LDHC: variants seen among roughly 807,000 people sequenced by gnomAD.
The protein encoded by LDHC is L-lactate dehydrogenase C chain.
Under a neutral mutation model 30.2 loss-of-function variants are expected in LDHC, and 20 were observed. The ratio of observed to expected loss-of-function variants is 0.66; its 90% confidence interval spans 0.47 to 0.96. The LOEUF is 0.96. Among genes scored for constraint, LDHC ranks in the 40% least tolerant of loss-of-function variants. LDHC has a pLI of 0.00. For missense variants in LDHC, 362 were observed against 394.9 expected, an observed-to-expected ratio of 0.92 and a Z score of 0.71; for synonymous variants, 139 against 132.7, an observed-to-expected ratio of 1.05 and a Z score of -0.32.
At chr11:18,421,464 G>C (rs1224513934) in intron 3 of LDHC, among the ~76,000 whole-genome samples, 2 of 152,038 alleles carry the variant, frequency 1.3e-5, no homozygotes, top group African/African-American at 4.8e-5. Context: ...CTTGAGGTCA[G>C]GAGTTTGAGA....
At chr11:18,439,811 T>TAAAAAAAAAAAAA (rs71047596) in intron 6 of LDHC, among the ~76,000 whole-genome samples, 8 of 64,204 alleles carry the variant, frequency 1.2e-4, no homozygotes, top group Non-Finnish European at 1.6e-4. Context: ...CCGTCTCTAC[T>TAAAAAAAAAAAAA]AAAAAAAAAA....
At chr11:18,443,095 C>G (rs1322023874) in intron 6 of LDHC, among the ~76,000 whole-genome samples, 3 of 151,998 alleles carry the variant, frequency 2.0e-5, no homozygotes, top group Non-Finnish European at 4.4e-5. Context: ...TTAAGGGAAC[C>G]TACAAATGCT....
At chr11:18,415,957 A>C (rs1252230942) in intron 3 of LDHC, among the ~76,000 whole-genome samples, 1 of 152,198 alleles carries the variant, frequency 6.6e-6, no homozygotes, top group African/African-American at 2.4e-5. Flanking sequence ...GGCCTTCCAA[A>C]GTGCTGGAAT....
chr11:18,421,202 C>T (rs550154995), intron 3 of LDHC, among the ~76,000 whole-genome samples: 43 of 152,108 alleles, frequency 2.8e-4, no homozygotes, highest in African/African-American at 9.4e-4. Context: ...TACAGGCACA[C>T]ACCACTGAGC....
In LDHC at chr11:18,419,445, A is replaced by G. The variant is rs1184869054; in HGVS notation, c.244+4144A>G. Among the ~76,000 whole-genome samples the G allele has an allele frequency of 2.6e-5, 4 of 152,226 alleles. No individual in the cohort carries two copies. In the East Asian group the frequency reaches 5.8e-4, roughly 22 times the overall value. ...ACTTTAGTGGGGGAATATACCTGCT[A>G]AGGATTTGGAACCACAAGCTGGCTC... On this transcript the variant is annotated intron_variant, in intron 3 of 7. Transcript: ENST00000541669.
chr11:18,439,373 A>C (rs1194452554), intron 6 of LDHC, among the ~76,000 whole-genome samples: 1 of 148,538 alleles, frequency 6.7e-6, no homozygotes, highest in African/African-American at 2.5e-5. Context: ...GACCAGCCTG[A>C]ACAACATGGT....
intron 6 of LDHC, among the ~76,000 whole-genome samples, chr11:18,443,462 T>TTC (rs199517249): frequency 3.3e-4 from 35 of 106,500 alleles, no homozygotes; most frequent in South Asian, 2.6e-3. Flanking sequence ...CTTTCTTTCT[T>TTC]TTTTTTTTTT....
intron 3 of LDHC, among the ~76,000 whole-genome samples, chr11:18,423,050 C>T (rs1482634767): frequency 2.0e-5 from 3 of 151,752 alleles, no homozygotes; most frequent in Non-Finnish European, 4.4e-5. Context: ...GGAGGCTGGG[C>T]GCAGTAGCTC....
intron 3 of LDHC, among the ~76,000 whole-genome samples, chr11:18,424,891 C>G (rs183936871): frequency 1.3e-5 from 2 of 152,222 alleles, no homozygotes; most frequent in Non-Finnish European, 2.9e-5. Flanking sequence ...GCCTGTAATT[C>G]CAGCTACTCG....
chr11:18,434,757 A>G lies in LDHC; in HGVS notation c.436A>G (p.Ile146Val), dbSNP rs751411987. The G allele has an allele frequency of 1.2e-5, 19 of 1,601,878 alleles. No individual in the cohort carries two copies. Among genetic ancestry groups the G allele is most frequent in the African/African-American group, 4.0e-5 (3 of 74,786 alleles). Reference sequence around the variant, plus strand: ...CTTCTTAGTGGATATTTTGACATATATAGTCTGGAAGATAAGTGGCTTACC... The same window carrying G: ...CTTCTTAGTGGATATTTTGACATATGTAGTCTGGAAGATAAGTGGCTTACC... ...VSNPVDILTY[I>V]VWKISGLPVT... The change falls in exon 5 of 8, where the codon ATA (isoleucine) becomes GTA (valine). Residue 146 changes from isoleucine to valine, a missense_variant. Ile to Val is a conservative substitution (Grantham distance 29). Transcript: ENST00000541669.
intron 2 of LDHC, among the ~76,000 whole-genome samples, chr11:18,413,588 G>A (rs1307583532): frequency 4.0e-5 from 6 of 150,530 alleles, no homozygotes; most frequent in African/African-American, 1.5e-4. Flanking sequence ...TCAGCCTCCT[G>A]AGTAGCTGGG....
intron 6 of LDHC, among the ~76,000 whole-genome samples, chr11:18,440,830 G>A (rs73438697): frequency 0.15 from 22,635 of 151,736 alleles, 1,880 homozygotes; most frequent in African/African-American, 0.21. Flanking sequence ...TGGGGTGGTT[G>A]AGGCAGGAAG....
chr11:18,438,709 C>A, intron 6 of LDHC, 64 bp downstream of exon 6: 2 of 848,238 alleles, frequency 2.4e-6, no homozygotes, highest in African/African-American at 1.7e-5. Flanking sequence ...ATATCACGGA[C>A]AAAAATCAAG....
intron 4 of LDHC, among the ~76,000 whole-genome samples, 175 bp downstream of exon 4, chr11:18,430,085 A>C (rs908971377): frequency 6.7e-6 from 1 of 149,140 alleles, no homozygotes; most frequent in African/African-American, 2.5e-5. Context: ...GCCATGATCA[A>C]GATACAAAAC....
chr11:18,442,377 A>G (rs1848481842), intron 6 of LDHC, among the ~76,000 whole-genome samples: 1 of 152,146 alleles, frequency 6.6e-6, no homozygotes, highest in Non-Finnish European at 1.5e-5. Flanking sequence ...TACCCTTGGT[A>G]CCTTTCCATG....
intron 5 of LDHC, among the ~76,000 whole-genome samples, chr11:18,438,212 G>A (rs1848392193): frequency 6.6e-6 from 1 of 152,166 alleles, no homozygotes; most frequent in Admixed American, 6.5e-5. Context: ...AGGAGGAGTA[G>A]ATGTGTCACA....
chr11:18,434,839 T>A lies in LDHC; in HGVS notation c.518T>A (p.Leu173Gln). 6.2e-7 allele frequency: 1 copy of A among 1,612,944 alleles called. No homozygotes were observed. The highest frequency in any genetic ancestry group is 8.5e-7 in the Non-Finnish European group (1 of 1,178,884). The change falls in exon 5 of 8, where the codon CTA (leucine) becomes CAA (glutamine). Residue 173 changes from leucine to glutamine, a missense_variant. Leu to Gln is a moderately radical substitution (Grantham distance 113). Coordinates refer to ENST00000541669, the MANE Select transcript of LDHC (RefSeq NM_017448.5). Reference protein sequence around the residue: ...CNLDSARFRYLIGEKLGVHPT... With the variant: ...CNLDSARFRYQIGEKLGVHPT... ...CTAGACTCTGCCCGTTTCCGTTACCTAATTGGAGAAAAGTTGGGTGTCCAC... is the reference window on the plus strand; with the variant it reads ...CTAGACTCTGCCCGTTTCCGTTACCAAATTGGAGAAAAGTTGGGTGTCCAC...
intron 4 of LDHC, among the ~76,000 whole-genome samples, chr11:18,431,068 T>C (rs1199334774): frequency 6.6e-6 from 1 of 151,472 alleles, no homozygotes; most frequent in African/African-American, 2.4e-5. Flanking sequence ...TGCAGTGAGC[T>C]GTGGTTGTGC....
At chr11:18,412,990 CCTT>C (rs1289038519) in intron 2 of LDHC, 147 bp downstream of exon 2, 177 of 292,634 alleles carry the variant, frequency 6.0e-4, no homozygotes, top group South Asian at 2.6e-3. Flanking sequence ...TCCCTCCCTT[CCTT>C]CCTTCCTTCC....
Sources: allele counts gnomAD v4.1 joint callset (sites outside exome capture counted in the v4.1 genomes callset), GRCh38; gene constraint gnomAD v4.1.1; transcripts MANE v1.5; gene names NCBI Gene and HGNC (gene_info 2026-07-23, HGNC 2026-07-21).